GPC5: variants seen among roughly 807,000 people sequenced by gnomAD.
The protein encoded by GPC5 is glypican-5.
Under a neutral mutation model 53.9 loss-of-function variants are expected in GPC5, and 47 were observed. That is an observed-to-expected ratio of 0.87 (90% CI 0.69 to 1.11). The LOEUF is 1.11. GPC5 is among the 50% of genes most tolerant of loss of function. The probability of loss-of-function intolerance (pLI) is 0.00; values close to 1 mark genes in which losing one functional copy is unlikely to be tolerated. For synonymous variants in GPC5, 286 were observed against 263.3 expected (o/e 1.09, Z -0.84); for missense variants, 748 against 713.1 (o/e 1.05, Z -0.56).
At chr13:91,788,383 GGGGA>G (rs2037910860) in intron 5 of GPC5, among the ~76,000 whole-genome samples, 1 of 152,128 alleles carries the variant, frequency 6.6e-6, no homozygotes. Context: ...CCATCAATTT[GGGGA>G]TTAGGACTTC....
chr13:91,845,374 T>C (rs1458826679), intron 5 of GPC5, among the ~76,000 whole-genome samples: 1 of 152,170 alleles, frequency 6.6e-6, no homozygotes, highest in African/African-American at 2.4e-5. Flanking sequence ...ATATTTAAAG[T>C]GTACTGCTTA....
chr13:91,595,843 C>A (rs1253765329), intron 2 of GPC5, among the ~76,000 whole-genome samples: 2 of 152,166 alleles, frequency 1.3e-5, no homozygotes, highest in Admixed American at 1.3e-4. Context: ...GCTGTCCCCA[C>A]CATTCTTCTG....
intron 7 of GPC5, among the ~76,000 whole-genome samples, chr13:92,751,303 T>A (rs56109015): frequency 0.25 from 9,682 of 39,170 alleles, 1,292 homozygotes; most frequent in Middle Eastern, 0.42. Context: ...CAGAAACATT[T>A]AAAAAAAAAA....
At chr13:92,160,803 C>A (rs945717185) in intron 7 of GPC5, among the ~76,000 whole-genome samples, 2 of 152,138 alleles carry the variant, frequency 1.3e-5, no homozygotes, top group Non-Finnish European at 2.9e-5. Context: ...ATGGGACTGA[C>A]AATAAGAAGA....
intron 5 of GPC5, among the ~76,000 whole-genome samples, chr13:91,855,876 A>G (rs1035804029): frequency 2.0e-5 from 3 of 151,522 alleles, no homozygotes; most frequent in African/African-American, 7.2e-5. Context: ...ATATAATTCA[A>G]TGACACACAT....
chr13:92,422,657 C>T (rs919209584), intron 7 of GPC5, among the ~76,000 whole-genome samples: 3 of 152,134 alleles, frequency 2.0e-5, no homozygotes, highest in African/African-American at 7.2e-5. Context: ...AAGGTGGATT[C>T]CACACAAGGC....
intron 6 of GPC5, among the ~76,000 whole-genome samples, chr13:92,120,326 G>GA (rs1405266252): frequency 1.3e-5 from 2 of 152,148 alleles, no homozygotes; most frequent in African/African-American, 4.8e-5. Flanking sequence ...TCAGTGGCAT[G>GA]ATCAATCACT....
At chr13:91,535,029 ACT>A (rs1886524129) in intron 2 of GPC5, among the ~76,000 whole-genome samples, 1 of 151,770 alleles carries the variant, frequency 6.6e-6, no homozygotes, top group Non-Finnish European at 1.5e-5. Context: ...GCCTGTGAAG[ACT>A]CTGAGATCTC....
intron 2 of GPC5, among the ~76,000 whole-genome samples, chr13:91,593,518 T>C (rs551450262): frequency 6.6e-6 from 1 of 152,200 alleles, no homozygotes; most frequent in African/African-American, 2.4e-5. Context: ...TTTCCCACTG[T>C]GTGTGCCTGG....
intron 5 of GPC5, among the ~76,000 whole-genome samples, chr13:91,845,520 A>G (rs1379593133): frequency 1.3e-5 from 2 of 152,134 alleles, no homozygotes; most frequent in African/African-American, 4.8e-5. Flanking sequence ...AGCAAATTTG[A>G]GGTATACAGT....
At chr13:92,385,598 C>CATATACGCATATATA in intron 7 of GPC5, among the ~76,000 whole-genome samples, 2 of 126,960 alleles carry the variant, frequency 1.6e-5, no homozygotes, top group Admixed American at 1.6e-4. Context: ...CGCATATATA[C>CATATACGCATATATA]ATATATACAC....
intron 7 of GPC5, among the ~76,000 whole-genome samples, chr13:92,357,796 A>G (rs2043534518): frequency 6.6e-6 from 1 of 151,610 alleles, no homozygotes; most frequent in Non-Finnish European, 1.5e-5. Flanking sequence ...CAGCAAGAGG[A>G]AAATGTGCCC....
rs150166201 is a variant in GPC5 at position 92,238,939 on chromosome 13, G to A, written c.1561+93950G>A. On this transcript the variant is annotated intron_variant, in intron 7 of 7. Coordinates refer to ENST00000377067, the MANE Select transcript of GPC5 (RefSeq NM_004466.6). The stretch of plus-strand genomic sequence containing the variant: ...ACTAAATTTTTATATATGGTGTGAG[G>A]TAGGGCTCCAGTTTAATTTCTTTGC... Among the ~76,000 whole-genome samples, 66 of 151,180 alleles carry A rather than the reference G, an allele frequency of 4.4e-4. No homozygotes were observed. In the East Asian group the frequency reaches 8.9e-3, roughly 20 times the overall value.
chr13:92,124,248 G>GAAAAAAAAAAA (rs34042033), intron 6 of GPC5, among the ~76,000 whole-genome samples: 9 of 54,994 alleles, frequency 1.6e-4, no homozygotes, highest in African/African-American at 5.7e-4. Context: ...CGGACAGAAT[G>GAAAAAAAAAAA]AAAAAAAAAA....
intron 6 of GPC5, among the ~76,000 whole-genome samples, chr13:92,057,392 T>G (rs2041084057): frequency 6.6e-6 from 1 of 152,200 alleles, no homozygotes; most frequent in African/African-American, 2.4e-5. Context: ...CAGCTAAGCC[T>G]TGCCCAAATT....
chr13:92,425,511 G>C (rs1046907639), intron 7 of GPC5, among the ~76,000 whole-genome samples: 1 of 152,130 alleles, frequency 6.6e-6, no homozygotes, highest in South Asian at 2.1e-4. Context: ...TTAGAGCTAA[G>C]GAAACAAGTG....
chr13:91,621,761 T>TATATATATATA (rs11462875), intron 2 of GPC5, among the ~76,000 whole-genome samples: 3,433 of 46,308 alleles, frequency 0.074, 707 homozygotes, highest in Middle Eastern at 0.15. Context: ...GGACAGAACA[T>TATATATATATA]TATATATATA....
intron 2 of GPC5, among the ~76,000 whole-genome samples, chr13:91,659,925 T>C (rs180968150): frequency 8.3e-4 from 127 of 152,282 alleles, no homozygotes; most frequent in Admixed American, 4.5e-3. Context: ...ATTCAGAGCT[T>C]GCTACAGCAA....
intron 5 of GPC5, among the ~76,000 whole-genome samples, chr13:91,894,098 T>A (rs1594646641): frequency 6.6e-6 from 1 of 152,308 alleles, no homozygotes; most frequent in East Asian, 1.9e-4. Context: ...TATTTTTCTT[T>A]TAGAAATCTA....
Sources: gnomAD v4.1 joint callset for allele counts (sites outside exome capture counted in the v4.1 genomes callset) on GRCh38, gnomAD v4.1.1 for gene constraint, MANE v1.5 for transcripts, NCBI Gene and HGNC (gene_info 2026-07-23, HGNC 2026-07-21) for gene names.